GTF2A2: variants seen among roughly 807,000 people sequenced by gnomAD.
GTF2A2 encodes the protein transcription initiation factor IIA subunit 2.
GTF2A2 carries 9 observed loss-of-function variants against 14.3 expected under a neutral mutation model. That is an observed-to-expected ratio of 0.63 (90% CI 0.38 to 1.10). The LOEUF (loss-of-function observed/expected upper bound fraction) is 1.10. GTF2A2 is among the 50% of genes least tolerant of loss of function. GTF2A2 has a pLI of 0.01. For synonymous variants in GTF2A2, 56 were observed against 46.0 expected (o/e 1.22, Z -0.88); for missense variants, 90 against 124.6 (o/e 0.72, Z 1.32).
chr15:59,638,979 A>G lies in GTF2A2; in HGVS notation c.*153T>C, dbSNP rs1020346199. 14 of 623,130 alleles carry G rather than the reference A, an allele frequency of 2.2e-5. No individual in the cohort carries two copies. The highest frequency in any genetic ancestry group is 2.1e-4 in the African/African-American group (11 of 53,134). 38.6% of individuals were successfully genotyped at this position (623,130 alleles called of 1,614,324 possible). On this transcript the variant is annotated 3_prime_UTR_variant, in exon 5 of 5. Transcript: ENST00000396060. ...TATAATAAAGGTGATGTAAGAGGCT[A>G]CAGAGTTACAAGTTTCTTTCTACTG...
chr15:59,640,582 G>C (rs893537383), intron 4 of GTF2A2, among the ~76,000 whole-genome samples: 1 of 152,190 alleles, frequency 6.6e-6, no homozygotes, highest in Non-Finnish European at 1.5e-5. Flanking sequence ...ACAGCCATGA[G>C]TGGCTATTGG....
intron 3 of GTF2A2, among the ~76,000 whole-genome samples, chr15:59,647,652 C>T (rs1471843093): frequency 6.6e-6 from 1 of 152,066 alleles, no homozygotes; most frequent in Non-Finnish European, 1.5e-5. Context: ...GATCTTGGCT[C>T]ACTGCAACCT....
intron 1 of GTF2A2, among the ~76,000 whole-genome samples, 198 bp from the exon 2 acceptor site, chr15:59,652,524 T>G (rs571530006): frequency 1.6e-4 from 24 of 152,310 alleles, no homozygotes; most frequent in African/African-American, 5.3e-4. Flanking sequence ...GATTTTGACA[T>G]GGGCATTTAT....
intron 3 of GTF2A2, among the ~76,000 whole-genome samples, chr15:59,643,720 C>T (rs1235612330): frequency 1.3e-5 from 2 of 151,318 alleles, no homozygotes; most frequent in African/African-American, 4.9e-5. Flanking sequence ...GTCTCAGCCT[C>T]CAGAGTAGCT....
At position 59,638,151 on chromosome 15, in the gene GTF2A2, G is replaced by T. The variant is rs1129616; in HGVS notation, c.*981C>A. On this transcript the variant is annotated 3_prime_UTR_variant, in exon 5 of 5. Coordinates refer to ENST00000396060, the MANE Select transcript of GTF2A2 (RefSeq NM_004492.3). ...ACTCCTGGACTCAAGTAATCCTCCA[G>T]TCTCAGCCTCCTAAAGTACTGGGAT... 1 of 151,908 alleles carries T rather than the reference G, an allele frequency of 6.6e-6. No homozygotes were observed. The highest frequency in any genetic ancestry group is 2.4e-5 in the African/African-American group (1 of 41,322). 9.4% of individuals were successfully genotyped at this position (151,908 alleles called of 1,614,324 possible).
intron 1 of GTF2A2, among the ~76,000 whole-genome samples, chr15:59,652,592 A>C (rs1258618836): frequency 6.6e-6 from 1 of 152,076 alleles, no homozygotes; most frequent in Non-Finnish European, 1.5e-5. Flanking sequence ...ATTTCCTTCA[A>C]ATGTCTGCCT....
At chr15:59,642,047 G>T in intron 4 of GTF2A2, 89 bp downstream of exon 4, 1 of 1,186,972 alleles carries the variant, frequency 8.4e-7, no homozygotes, top group Non-Finnish European at 1.2e-6. Flanking sequence ...CATTTTACCC[G>T]TTAGGCTTTT....
intron 3 of GTF2A2, 106 bp downstream of exon 3, chr15:59,650,563 G>T: frequency 1.6e-6 from 1 of 607,724 alleles, no homozygotes; most frequent in South Asian, 2.3e-5. Flanking sequence ...AATTGACTAA[G>T]CCACCTCTTC....
chr15:59,639,976 C>T (rs1891347907), intron 4 of GTF2A2: 1 of 152,392 alleles, frequency 6.6e-6, no homozygotes, highest in South Asian at 2.1e-4. Flanking sequence ...CTCTCAAACT[C>T]CTGGCCTCAA....
At chr15:59,652,460 C>G (rs1290077796) in intron 1 of GTF2A2, 134 bp from the exon 2 acceptor site, 1 of 519,882 alleles carries the variant, frequency 1.9e-6, no homozygotes, top group African/African-American at 2.0e-5. Flanking sequence ...ACTAGATAAT[C>G]ATTTTAGAAT....
intron 4 of GTF2A2, among the ~76,000 whole-genome samples, chr15:59,639,784 T>C (rs1451115409): frequency 2.1e-5 from 3 of 145,222 alleles, no homozygotes; most frequent in Non-Finnish European, 4.5e-5. Flanking sequence ...AGAGTCACAC[T>C]GTGTTGCCCA....
chr15:59,651,639 G>C (rs1252380321), intron 2 of GTF2A2: 1 of 152,048 alleles, frequency 6.6e-6, no homozygotes, highest in Non-Finnish European at 1.5e-5. Context: ...TTTGAGAAGG[G>C]GGAAACCAAC....
chr15:59,641,371 C>A (rs1595666886), intron 4 of GTF2A2, among the ~76,000 whole-genome samples: 3 of 151,956 alleles, frequency 2.0e-5, no homozygotes, highest in Non-Finnish European at 4.4e-5. Flanking sequence ...TTAGCTATTT[C>A]TTTGGAAATG....
chr15:59,639,534 C>T (rs572535893), intron 4 of GTF2A2, among the ~76,000 whole-genome samples: 3 of 149,194 alleles, frequency 2.0e-5, no homozygotes, highest in South Asian at 2.1e-4. Context: ...GATCTTGGCT[C>T]ACTGCAGGCT....
chr15:59,639,275 C>T (rs1891302228), intron 4 of GTF2A2, 118 bp from the exon 5 acceptor site: 3 of 712,448 alleles, frequency 4.2e-6, no homozygotes, highest in South Asian at 1.5e-5. Flanking sequence ...TGGTGGCTTG[C>T]AGGGTGGGGA....
chr15:59,640,867 G>GTAATGACAAAGATGTATC (rs1381606001), intron 4 of GTF2A2, among the ~76,000 whole-genome samples: 1 of 3,588 alleles, frequency 2.8e-4, no homozygotes, highest in East Asian at 3.0e-3. Context: ...GTTCCTTGCT[G>GTAATGACAAAGATGTATC]TAATGACAAA....
chr15:59,654,003 C>G, intron 1 of GTF2A2, among the ~76,000 whole-genome samples: 1 of 152,144 alleles, frequency 6.6e-6, no homozygotes, highest in Non-Finnish European at 1.5e-5. Context: ...AATGCTATTA[C>G]CCTAAGTCAC....
intron 2 of GTF2A2, chr15:59,651,891 T>C (rs10851663): frequency 0.98 from 214,760 of 219,726 alleles, 105,154 homozygotes; most frequent in East Asian, 1. Flanking sequence ...GCTATGTTGC[T>C]TAAGCTGGTC....
intron 3 of GTF2A2, 34 bp downstream of exon 3, chr15:59,650,635 G>A (rs1891761990): frequency 8.4e-7 from 1 of 1,185,030 alleles, no homozygotes; most frequent in Admixed American, 1.7e-5. Flanking sequence ...ACAACCATTG[G>A]TACAGGCTTC....
Sources: allele counts gnomAD v4.1 joint callset (sites outside exome capture counted in the v4.1 genomes callset), GRCh38; gene constraint gnomAD v4.1.1; transcripts MANE v1.5; gene names NCBI Gene and HGNC (gene_info 2026-07-23, HGNC 2026-07-21).